Variants in PLS1 observed in about 807,000 individuals in gnomAD.
PLS1 encodes plastin 1, also known as plastin-1.
In PLS1, 32 loss-of-function variants were observed where a neutral mutation model predicts 73.7. The observed-to-expected ratio is 0.43, with a 90% CI of 0.33 to 0.58. PLS1 has a LOEUF of 0.58. PLS1 is among the 20% of genes least tolerant of loss of function. The pLI is 0.04. For missense variants in PLS1, 633 were observed against 740.5 expected, an observed-to-expected ratio of 0.85 and a Z score of 1.68; for synonymous variants, 217 against 261.3, an observed-to-expected ratio of 0.83 and a Z score of 1.63.
At chr3:142,597,738 G>A (rs559446519) in intron 1 of PLS1, among the ~76,000 whole-genome samples, 5 of 152,282 alleles carry the variant, frequency 3.3e-5, no homozygotes, top group Non-Finnish European at 2.9e-5. Flanking sequence ...AGCTAGGCCT[G>A]GGATCCAGGT....
chr3:142,690,589 C>T (rs563206139), intron 10 of PLS1, among the ~76,000 whole-genome samples: 5 of 152,220 alleles, frequency 3.3e-5, no homozygotes, highest in African/African-American at 4.8e-5. Flanking sequence ...CATTAGAACT[C>T]AATTTTGAGA....
At chr3:142,641,541 ATATT>A (rs2036841265) in intron 1 of PLS1, among the ~76,000 whole-genome samples, 1 of 151,682 alleles carries the variant, frequency 6.6e-6, no homozygotes. Flanking sequence ...GAATTTAGAC[ATATT>A]TATTACAAAG....
chr3:142,629,781 C>T (rs756776907), intron 1 of PLS1, among the ~76,000 whole-genome samples: 2 of 152,158 alleles, frequency 1.3e-5, no homozygotes, highest in African/African-American at 4.8e-5. Flanking sequence ...TTCTCAACCT[C>T]AGCACTATAG....
chr3:142,629,891 G>T (rs1198733531), intron 1 of PLS1, among the ~76,000 whole-genome samples: 2 of 152,122 alleles, frequency 1.3e-5, no homozygotes, highest in African/African-American at 4.8e-5. Flanking sequence ...TGCCAGTGAT[G>T]CCTCCTTTTG....
chr3:142,711,480 C>G, intron 14 of PLS1, 21 bp from the exon 15 acceptor site: 1 of 1,533,122 alleles, frequency 6.5e-7, no homozygotes, highest in Non-Finnish European at 9.0e-7. Context: ...TATGAATGTT[C>G]ATCTATGCTT....
chr3:142,657,338 G>A (rs369338299), intron 1 of PLS1, among the ~76,000 whole-genome samples: 5 of 152,096 alleles, frequency 3.3e-5, no homozygotes, highest in African/African-American at 4.8e-5. Context: ...CCCCTGATCC[G>A]ATTGCCAGGA....
chr3:142,607,556 G>C (rs983115406), intron 1 of PLS1, among the ~76,000 whole-genome samples: 38 of 152,230 alleles, frequency 2.5e-4, no homozygotes, highest in Admixed American at 3.9e-4. Flanking sequence ...TTACAGGCGT[G>C]AGCCACTGCT....
At chr3:142,653,479 C>T (rs1238942174) in intron 1 of PLS1, among the ~76,000 whole-genome samples, 3 of 151,706 alleles carry the variant, frequency 2.0e-5, no homozygotes, top group Admixed American at 2.0e-4. Context: ...TCCCACCTCA[C>T]CCTCCAGAAT....
At chr3:142,705,937 T>G (rs1307718534) in intron 14 of PLS1, among the ~76,000 whole-genome samples, 1 of 152,192 alleles carries the variant, frequency 6.6e-6, no homozygotes, top group African/African-American at 2.4e-5. Context: ...TAATTTTCAG[T>G]GCATGATTTG....
intron 1 of PLS1, among the ~76,000 whole-genome samples, chr3:142,656,023 G>A (rs1379256404): frequency 6.6e-6 from 1 of 152,058 alleles, no homozygotes; most frequent in African/African-American, 2.4e-5. Context: ...GTGCAGTGGT[G>A]CAATCTCAGT....
At position 142,698,074 on chromosome 3, in the gene PLS1, G is replaced by T. The variant is rs768882228; in HGVS notation, c.1371+7G>T. 7.2e-7 allele frequency: 1 copy of T among 1,396,446 alleles called. No homozygotes were observed. The highest frequency in any genetic ancestry group is 1.0e-6 in the Non-Finnish European group (1 of 981,532). 86.5% of individuals were successfully genotyped at this position (1,396,446 alleles called of 1,614,324 possible). On this transcript the variant is annotated splice_region_variant and intron_variant, in intron 12 of 15. Coordinates refer to ENST00000457734, the MANE Select transcript of PLS1 (RefSeq NM_001145319.2). ...TGGAGGGAACATGAAGAAGGTGAAT[G>T]AAATAATGGCCATGGATATATTGTT...
In PLS1 at chr3:142,704,815, A is replaced by AT. The variant is rs375093448; in HGVS notation, c.1629+245dup. Among the ~76,000 whole-genome samples, 538 of 133,464 alleles carry AT rather than the reference A, an allele frequency of 4.0e-3. 4 individuals carry two copies. Among genetic ancestry groups the AT allele is most frequent in the African/African-American group, 8.1e-3 (293 of 36,176 alleles). 87.6% of individuals were successfully genotyped at this position (133,464 alleles called of 152,430 possible). ...AGGTGCCCGCCACCACACCCGGCTA[A>AT]TTTTTTTTTTTTTTTTGTATTTTTA... On this transcript the variant is annotated intron_variant, in intron 14 of 15. Transcript: ENST00000457734.
At chr3:142,639,768 C>T (rs1343655686) in intron 1 of PLS1, among the ~76,000 whole-genome samples, 1 of 152,188 alleles carries the variant, frequency 6.6e-6, no homozygotes, top group East Asian at 1.9e-4. Context: ...AGTGCACAGG[C>T]AGTTCTTAGT....
intron 1 of PLS1, among the ~76,000 whole-genome samples, chr3:142,653,889 A>T (rs2037159096): frequency 1.3e-5 from 2 of 152,218 alleles, no homozygotes; most frequent in African/African-American, 2.4e-5. Flanking sequence ...GTTGAACCTG[A>T]TAAGCACTAT....
chr3:142,657,934 A>G (rs894482379), intron 1 of PLS1, among the ~76,000 whole-genome samples: 1 of 152,206 alleles, frequency 6.6e-6, no homozygotes, highest in African/African-American at 2.4e-5. Context: ...TCCCCTGTTC[A>G]AAAACATATT....
At chr3:142,671,878 T>C (rs903026083) in intron 4 of PLS1, among the ~76,000 whole-genome samples, 3 of 152,190 alleles carry the variant, frequency 2.0e-5, no homozygotes, top group African/African-American at 4.8e-5. Flanking sequence ...CCCTTCCTAA[T>C]TGGATTTTCC....
intron 1 of PLS1, among the ~76,000 whole-genome samples, chr3:142,601,079 A>T (rs2035919133): frequency 6.9e-6 from 1 of 145,978 alleles, no homozygotes; most frequent in Non-Finnish European, 1.5e-5. Flanking sequence ...ACCCGCCACC[A>T]CGCCCGGCTA....
At chr3:142,645,372 A>G (rs2036932849) in intron 1 of PLS1, 1 of 152,214 alleles carries the variant, frequency 6.6e-6, no homozygotes, top group African/African-American at 2.4e-5. Flanking sequence ...ACTGTTTGAA[A>G]TCTCTGTAAA....
At chr3:142,677,941 T>C in intron 5 of PLS1, 91 bp from the exon 6 acceptor site, 2 of 606,466 alleles carry the variant, frequency 3.3e-6, no homozygotes, top group South Asian at 4.0e-5. Flanking sequence ...GAATTGTTAT[T>C]TTCAAAATTT....
Sources: allele counts gnomAD v4.1 joint callset (sites outside exome capture counted in the v4.1 genomes callset), GRCh38; gene constraint gnomAD v4.1.1; transcripts MANE v1.5; gene names NCBI Gene and HGNC (gene_info 2026-07-23, HGNC 2026-07-21).